The following PRKD1 variants were observed in gnomAD, a reference collection of about 807,000 sequenced individuals.
PRKD1 encodes serine/threonine-protein kinase D1.
PRKD1 carries 63 observed loss-of-function variants against 95.9 expected under a neutral mutation model. The observed-to-expected ratio is 0.66, with a 90% CI of 0.54 to 0.81. The LOEUF is 0.81. PRKD1 is among the 30% of genes least tolerant of loss of function. PRKD1 has a pLI of 0.00. For synonymous variants in PRKD1, 425 were observed against 423.1 expected (o/e 1.00, Z -0.05); for missense variants, 1,048 against 1,165.3 (o/e 0.90, Z 1.47).
intron 1 of PRKD1, among the ~76,000 whole-genome samples, chr14:29,911,938 C>T (rs531759792): frequency 6.6e-6 from 1 of 152,312 alleles, no homozygotes; most frequent in South Asian, 2.1e-4. Context: ...TGTCACATCT[C>T]CTACTACATG....
At chr14:29,785,676 G>GT (rs1889239486) in intron 1 of PRKD1, among the ~76,000 whole-genome samples, 1 of 149,538 alleles carries the variant, frequency 6.7e-6, no homozygotes, top group South Asian at 2.1e-4. Flanking sequence ...CTGTTGTGGG[G>GT]TGGGGGGAAG....
At chr14:29,839,749 C>T (rs1891757118) in intron 1 of PRKD1, among the ~76,000 whole-genome samples, 1 of 152,072 alleles carries the variant, frequency 6.6e-6, no homozygotes, top group African/African-American at 2.4e-5. Flanking sequence ...CACTCCCAGG[C>T]TGAACACCAT....
At chr14:29,818,259 C>T (rs377458160) in intron 1 of PRKD1, among the ~76,000 whole-genome samples, 1 of 152,300 alleles carries the variant, frequency 6.6e-6, no homozygotes, top group East Asian at 1.9e-4. Context: ...GATGGCAGAA[C>T]AGATGACAAA....
intron 1 of PRKD1, among the ~76,000 whole-genome samples, chr14:29,884,334 C>T (rs1050039256): frequency 1.3e-5 from 2 of 152,080 alleles, no homozygotes; most frequent in African/African-American, 4.8e-5. Context: ...GTTAGTTGCA[C>T]TTTACCAAAC....
At chr14:29,727,710 T>C (rs1886229454) in intron 1 of PRKD1, among the ~76,000 whole-genome samples, 3 of 152,108 alleles carry the variant, frequency 2.0e-5, no homozygotes, top group Admixed American at 1.3e-4. Context: ...GTTGTAGGTA[T>C]GCGGCATTAT....
chr14:29,882,151 C>G (rs922369371), intron 1 of PRKD1, among the ~76,000 whole-genome samples: 1 of 152,122 alleles, frequency 6.6e-6, no homozygotes, highest in African/African-American at 2.4e-5. Context: ...AAATTGATAA[C>G]CATAAAAACA....
intron 1 of PRKD1, among the ~76,000 whole-genome samples, chr14:29,764,731 A>G (rs1477113110): frequency 6.6e-6 from 1 of 152,222 alleles, no homozygotes; most frequent in African/African-American, 2.4e-5. Context: ...ACACCTCTTA[A>G]GAGTTTTGCA....
intron 1 of PRKD1, among the ~76,000 whole-genome samples, chr14:29,744,247 C>G (rs1325289203): frequency 1.3e-5 from 2 of 152,208 alleles, no homozygotes; most frequent in Admixed American, 1.3e-4. Flanking sequence ...CCCCACTGCC[C>G]CTCTTTGCTG....
intron 2 of PRKD1, among the ~76,000 whole-genome samples, chr14:29,699,518 A>G (rs1322329065): frequency 6.6e-6 from 1 of 151,732 alleles, no homozygotes; most frequent in Non-Finnish European, 1.5e-5. Flanking sequence ...ACTTGTTTTT[A>G]TTTCTGAATG....
At chr14:29,804,799 G>T (rs533730950) in intron 1 of PRKD1, among the ~76,000 whole-genome samples, 12 of 152,116 alleles carry the variant, frequency 7.9e-5, no homozygotes, top group East Asian at 3.9e-4. Flanking sequence ...GATCAATGAG[G>T]TGTTTTTTTT....
chr14:29,815,458 A>T (rs1056505137), intron 1 of PRKD1, among the ~76,000 whole-genome samples: 2 of 152,216 alleles, frequency 1.3e-5, no homozygotes, highest in African/African-American at 4.8e-5. Flanking sequence ...TATAAAATAC[A>T]TGCCTTTGGC....
intron 2 of PRKD1, among the ~76,000 whole-genome samples, chr14:29,703,533 A>G (rs573628716): frequency 1.1e-3 from 162 of 152,342 alleles, no homozygotes; most frequent in Non-Finnish European, 1.9e-3. Flanking sequence ...TGGGAAAGAA[A>G]TAACAAATTT....
intron 1 of PRKD1, among the ~76,000 whole-genome samples, chr14:29,814,059 A>C (rs1471894739): frequency 6.6e-6 from 1 of 152,220 alleles, no homozygotes; most frequent in Non-Finnish European, 1.5e-5. Flanking sequence ...TGAATGAAAG[A>C]CTGAATTAAT....
intron 1 of PRKD1, among the ~76,000 whole-genome samples, chr14:29,840,572 G>C (rs1421790982): frequency 6.6e-6 from 1 of 152,030 alleles, no homozygotes; most frequent in Non-Finnish European, 1.5e-5. Context: ...TACTGTATTA[G>C]TCTGTTTTCA....
At chr14:29,589,061 C>T (rs2138980229) in intron 16 of PRKD1, among the ~76,000 whole-genome samples, 1 of 152,048 alleles carries the variant, frequency 6.6e-6, no homozygotes, top group African/African-American at 2.4e-5. Flanking sequence ...TGCCTGTTTG[C>T]CTCTCTAATG....
At chr14:29,879,916 G>A (rs1013048779) in intron 1 of PRKD1, among the ~76,000 whole-genome samples, 1 of 152,170 alleles carries the variant, frequency 6.6e-6, no homozygotes, top group African/African-American at 2.4e-5. Flanking sequence ...TCTAGTGGAA[G>A]AAGTTTCTAA....
chr14:29,604,656 A>C (rs1893640168), intron 13 of PRKD1, among the ~76,000 whole-genome samples: 1 of 152,130 alleles, frequency 6.6e-6, no homozygotes, highest in Non-Finnish European at 1.5e-5. Context: ...TTTTCTAATT[A>C]CTGTCTCTTA....
intron 1 of PRKD1, among the ~76,000 whole-genome samples, chr14:29,733,113 T>A (rs1016549822): frequency 2.8e-3 from 422 of 150,810 alleles, no homozygotes; most frequent in Admixed American, 8.6e-3. Flanking sequence ...TATTTATTTT[T>A]TTTTTTTGAG....
chr14:29,900,554 A>C (rs1215890701), intron 1 of PRKD1, among the ~76,000 whole-genome samples: 2 of 152,240 alleles, frequency 1.3e-5, no homozygotes, highest in African/African-American at 2.4e-5. Context: ...CAGACAGCCT[A>C]CAGAATGGGA....
Sources: allele counts gnomAD v4.1 joint callset (sites outside exome capture counted in the v4.1 genomes callset), GRCh38; gene constraint gnomAD v4.1.1; transcripts MANE v1.5; gene names NCBI Gene and HGNC (gene_info 2026-07-23, HGNC 2026-07-21).